CD247: variants seen among roughly 807,000 people sequenced by gnomAD.
CD247 encodes the protein T-cell surface glycoprotein CD3 zeta chain.
CD247 carries 13 observed loss-of-function variants against 30.0 expected under a neutral mutation model. That is an observed-to-expected ratio of 0.43 (90% CI 0.28 to 0.69). The LOEUF (loss-of-function observed/expected upper bound fraction) is 0.69. Among genes scored for constraint, CD247 ranks in the 30% least tolerant of loss-of-function variants. CD247 has a pLI of 0.16. For synonymous variants in CD247, 72 were observed against 80.0 expected (o/e 0.90, Z 0.53); for missense variants, 193 against 212.6 (o/e 0.91, Z 0.57).
intron 1 of CD247, among the ~76,000 whole-genome samples, chr1:167,454,623 G>A (rs527377576): frequency 6.6e-6 from 1 of 152,036 alleles, no homozygotes; most frequent in Admixed American, 6.6e-5. Context: ...ATTTATATAT[G>A]AACACAGAAA....
chr1:167,457,187 G>A (rs1214598), intron 1 of CD247, among the ~76,000 whole-genome samples: 38,676 of 152,104 alleles, frequency 0.25, 6,218 homozygotes, highest in Non-Finnish European at 0.37. Flanking sequence ...CATTCTCAGC[G>A]GTGCTTTTGC....
chr1:167,502,758 A>G (rs571901778), intron 1 of CD247, among the ~76,000 whole-genome samples: 1 of 152,336 alleles, frequency 6.6e-6, no homozygotes, highest in South Asian at 2.1e-4. Context: ...ATGCACACAC[A>G]GGGAGAATGC....
chr1:167,438,854 G>T (rs1422258144), intron 3 of CD247, among the ~76,000 whole-genome samples: 1 of 152,136 alleles, frequency 6.6e-6, no homozygotes, highest in Non-Finnish European at 1.5e-5. Context: ...GACAGTGGAT[G>T]GGATCCCCAA....
intron 1 of CD247, among the ~76,000 whole-genome samples, chr1:167,451,981 G>A (rs761490176): frequency 6.6e-6 from 1 of 152,334 alleles, no homozygotes. Flanking sequence ...CCAGCACTTT[G>A]GGAGGTGGAG....
At chr1:167,455,186 C>T (rs965834977) in intron 1 of CD247, among the ~76,000 whole-genome samples, 5 of 152,200 alleles carry the variant, frequency 3.3e-5, no homozygotes, top group African/African-American at 4.8e-5. Flanking sequence ...AAACCGTCAC[C>T]GATACGCTAT....
chr1:167,463,751 C>G (rs1442542497), intron 1 of CD247, among the ~76,000 whole-genome samples: 1 of 152,196 alleles, frequency 6.6e-6, no homozygotes, highest in Admixed American at 6.5e-5. Context: ...TACATAGATT[C>G]ATTTTCTAAA....
chr1:167,474,613 G>T (rs1329300285), intron 1 of CD247, among the ~76,000 whole-genome samples: 1 of 152,096 alleles, frequency 6.6e-6, no homozygotes, highest in Non-Finnish European at 1.5e-5. Flanking sequence ...ACCTTGGCCC[G>T]CTGAAAGCAC....
chr1:167,466,306 A>G (rs1422841136), intron 1 of CD247, among the ~76,000 whole-genome samples: 2 of 152,190 alleles, frequency 1.3e-5, no homozygotes, highest in Admixed American at 6.5e-5. Flanking sequence ...CTATTTGCCA[A>G]TTAACTCTGA....
chr1:167,440,812 G>A (rs77678314), intron 1 of CD247, 45 bp from the exon 2 acceptor site: 192 of 1,262,638 alleles, frequency 1.5e-4, no homozygotes, highest in Non-Finnish European at 2.1e-4. Flanking sequence ...AAGGTGACGA[G>A]AACACATCCC....
intron 1 of CD247, among the ~76,000 whole-genome samples, chr1:167,485,950 A>C (rs34000101): frequency 0.029 from 4,473 of 152,204 alleles, 101 homozygotes; most frequent in Middle Eastern, 0.044. Context: ...AAACGACTGG[A>C]GGCTGGGGAG....
Position 167,433,931 on chromosome 1 carries a change from G to A in CD247, c.393+89C>T, listed in dbSNP as rs142509993. 836 of 1,179,000 alleles carry A rather than the reference G, an allele frequency of 7.1e-4. 1 individual carries two copies. Among genetic ancestry groups the A allele is most frequent in the Non-Finnish European group, 9.9e-4 (777 of 783,070 alleles). 73.0% of individuals were successfully genotyped at this position (1,179,000 alleles called of 1,614,324 possible). ...CCACATGGGCATTTGCAGCTGGGAT[G>A]AGAAGTGGATGGGAAAGGAGGCCTG... On this transcript the variant is annotated intron_variant, in intron 6 of 7. Coordinates refer to ENST00000362089, the MANE Select transcript of CD247 (RefSeq NM_198053.3).
At position 167,462,055 on chromosome 1, in the gene CD247, G is replaced by A. The variant is rs184272459; in HGVS notation, c.59-21288C>T. On this transcript the variant is annotated intron_variant, in intron 1 of 7. Coordinates refer to ENST00000362089, the MANE Select transcript of CD247 (RefSeq NM_198053.3). ...ATTCACAGAGTATAGGATGCCCACA[G>A]GAGGAAAGCTGAATATTTAGCATGG... is the stretch of plus-strand genomic sequence containing the variant. Among the ~76,000 whole-genome samples the A allele has an allele frequency of 3.5e-4, 54 of 152,300 alleles. 1 individual carries two copies. In the East Asian group the frequency reaches 9.6e-3, roughly 27 times the overall value.
chr1:167,475,994 A>G (rs1407476244), intron 1 of CD247, among the ~76,000 whole-genome samples: 1 of 152,066 alleles, frequency 6.6e-6, no homozygotes, highest in African/African-American at 2.4e-5. Flanking sequence ...AGTATAGTAT[A>G]TATTTTTTTT....
intron 1 of CD247, among the ~76,000 whole-genome samples, chr1:167,467,810 C>T (rs12036775): frequency 0.39 from 58,648 of 152,062 alleles, 11,678 homozygotes; most frequent in Admixed American, 0.46. Context: ...GGTTTAATAA[C>T]GGTATGGTAC....
chr1:167,471,991 C>T (rs1653552408), intron 1 of CD247, among the ~76,000 whole-genome samples: 1 of 151,920 alleles, frequency 6.6e-6, no homozygotes, highest in Non-Finnish European at 1.5e-5. Context: ...CACCACCACA[C>T]CCAACTAATT....
At chr1:167,440,567 AC>A in intron 2 of CD247, 96 bp downstream of exon 2, 1 of 794,242 alleles carries the variant, frequency 1.3e-6, no homozygotes, top group Non-Finnish European at 2.2e-6. Flanking sequence ...AGCCCCAGGC[AC>A]CACCCGAGCT....
At chr1:167,488,851 T>C (rs1413229117) in intron 1 of CD247, among the ~76,000 whole-genome samples, 1 of 152,208 alleles carries the variant, frequency 6.6e-6, no homozygotes, top group Non-Finnish European at 1.5e-5. Flanking sequence ...AGTATGTTCT[T>C]GTAGCTCAGA....
chr1:167,482,205 C>T lies in CD247; in HGVS notation c.58+36203G>A, dbSNP rs542167727. ...CAACACCACCCGACTGGAGACAACG[C>T]CATCCCTGGGTGCTCTGGAATGAAG... On this transcript the variant is annotated intron_variant, in intron 1 of 7. Coordinates refer to ENST00000362089, the MANE Select transcript of CD247 (RefSeq NM_198053.3). Among the ~76,000 whole-genome samples the T allele has an allele frequency of 2.6e-5, 4 of 152,300 alleles. No individual in the cohort carries two copies. In the East Asian group the frequency reaches 7.7e-4, roughly 29 times the overall value.
intron 6 of CD247, 144 bp from the exon 7 acceptor site, chr1:167,433,203 G>C: frequency 1.2e-6 from 1 of 800,404 alleles, no homozygotes. Context: ...GGGAGAGAAG[G>C]ATCCTCAGGC....
Sources: allele counts gnomAD v4.1 joint callset (sites outside exome capture counted in the v4.1 genomes callset), GRCh38; gene constraint gnomAD v4.1.1; transcripts MANE v1.5; gene names NCBI Gene and HGNC (gene_info 2026-07-23, HGNC 2026-07-21).